The following EML2 variants were observed in gnomAD, a reference collection of about 807,000 sequenced individuals.
EML2 encodes EMAP like 2, also known as echinoderm microtubule-associated protein-like 2.
EML2 carries 59 observed loss-of-function variants against 84.7 expected under a neutral mutation model. That is an observed-to-expected ratio of 0.70 (90% CI 0.56 to 0.86). EML2 has a LOEUF of 0.86. EML2 is among the 40% of genes least tolerant of loss of function. The pLI is 0.00. For missense variants in EML2, 818 were observed against 855.6 expected (o/e 0.96, Z 0.55); for synonymous variants, 352 against 348.9 (o/e 1.01, Z -0.10).
In EML2 at chr19:45,639,169, C is replaced by A. The variant is rs373096611; in HGVS notation, c.20+188G>T. The A allele has an allele frequency of 1.2e-3, 807 of 685,408 alleles. 9 individuals carry two copies. In the East Asian group the frequency reaches 0.022, roughly 18 times the overall value. The allele number at this position is 685,408 out of a possible 1,614,324, so 42.5% of individuals were successfully genotyped here. On this transcript the variant is annotated intron_variant, in intron 1 of 18. Coordinates refer to ENST00000245925, the MANE Select transcript of EML2 (RefSeq NM_012155.4). ...CCCTTCCCTCCTAATCAGCAAGGTG[C>A]TCCCCAGCGCCCCCCACCCGCAGTT... is the stretch of plus-strand genomic sequence containing the variant.
chr19:45,637,667 C>CTTTTTTTTTTTTTTT (rs58180181), intron 3 of EML2, among the ~76,000 whole-genome samples: 2 of 48,894 alleles, frequency 4.1e-5, no homozygotes, highest in Non-Finnish European at 8.0e-5. Flanking sequence ...TTTTTCTTTT[C>CTTTTTTTTTTTTTTT]TTTTTTTTTT....
Position 45,634,250 on chromosome 19 carries a change from C to T in EML2, c.329+72G>A, listed in dbSNP as rs1279912039. ...CACAGGGTAGCAATGTGAAAAGAGG[C>T]ATAGAGGGGCAGGGGCTGGAGCTCC... On this transcript the variant is annotated intron_variant, in intron 4 of 18. Transcript: ENST00000245925. The T allele has an allele frequency of 4.4e-6, 7 of 1,595,490 alleles. No individual in the cohort carries two copies. In the African/African-American group the frequency reaches 8.1e-5, roughly 18 times the overall value.
intron 12 of EML2, 62 bp from the exon 13 acceptor site, chr19:45,617,759 C>T: frequency 6.6e-7 from 1 of 1,507,986 alleles, no homozygotes; most frequent in Non-Finnish European, 9.1e-7. Context: ...TCTGGACATT[C>T]TCTTGCCTCA....
intron 9 of EML2, 82 bp from the exon 10 acceptor site, chr19:45,621,719 T>A: frequency 7.0e-7 from 1 of 1,418,892 alleles, no homozygotes; most frequent in Non-Finnish European, 9.4e-7. Context: ...CTCTCAAGCC[T>A]ATGTCCATCC....
upstream of EML2, chr19:45,645,402 G>T: frequency 6.7e-7 from 1 of 1,489,076 alleles, no homozygotes; most frequent in Non-Finnish European, 8.9e-7. Context: ...CCCCAACCAG[G>T]CCCTGCCTCC....
chr19:45,643,643 T>C, upstream of EML2: 1 of 1,536,104 alleles, frequency 6.5e-7, no homozygotes, highest in Non-Finnish European at 8.7e-7. Flanking sequence ...GTAAAGGTGG[T>C]AGCTTAGACG....
At chr19:45,624,362 T>C (rs187513558) in intron 9 of EML2, among the ~76,000 whole-genome samples, 48 of 152,260 alleles carry the variant, frequency 3.2e-4, no homozygotes, top group African/African-American at 1.0e-3. Context: ...CTTCATTCAC[T>C]TATTCATTGA....
rs1182743426 is a variant in EML2 at position 45,634,369 on chromosome 19, C to T, written c.282G>A (p.Glu94=). ...VASVAVLYSV[E]EQRQRHYLGH... Reference sequence around the variant, plus strand: ...CCAGGTAGTGTCGCTGCCTCTGCTCCTCCACGCTGTATAGCACGGCTACGG... The same window carrying T: ...CCAGGTAGTGTCGCTGCCTCTGCTCTTCCACGCTGTATAGCACGGCTACGG... Residue 94 remains glutamate (E), a synonymous_variant, in exon 4 of 19, where the codon GAG becomes GAA. Coordinates refer to ENST00000245925, the MANE Select transcript of EML2 (RefSeq NM_012155.4). 6.2e-7 allele frequency: 1 copy of T among 1,614,054 alleles called. No individual in the cohort carries two copies. The highest frequency in any genetic ancestry group is 8.5e-7 in the Non-Finnish European group (1 of 1,179,964).
chr19:45,641,642 C>T (rs564196968), upstream of EML2: 57 of 1,536,134 alleles, frequency 3.7e-5, no homozygotes, highest in Non-Finnish European at 5.0e-5. Flanking sequence ...AGTCCTTACC[C>T]TTCCTTTTTG....
intron 9 of EML2, among the ~76,000 whole-genome samples, chr19:45,623,186 C>T (rs1473207924): frequency 6.6e-6 from 1 of 150,980 alleles, no homozygotes; most frequent in Admixed American, 6.6e-5. Context: ...GGTGAAACCC[C>T]GTCTCTACTA....
At chr19:45,618,794 TA>T (rs1971368048) in intron 12 of EML2, 3 of 201,682 alleles carry the variant, frequency 1.5e-5, no homozygotes, top group Non-Finnish European at 3.1e-5. Context: ...TAAAGATACA[TA>T]AATTAGCTGG....
rs1053393288 is a variant in EML2, at chr19:45,616,778, G to A, written c.1398C>T (p.Val466=). 10 of 1,613,038 alleles carry A rather than the reference G, an allele frequency of 6.2e-6. No homozygotes were observed. The highest frequency in any genetic ancestry group is 2.2e-5 in the South Asian group (2 of 91,012). The change falls in exon 14 of 19, where the codon GTC becomes GTT. Residue 466 remains valine (V), a synonymous_variant. Coordinates refer to ENST00000245925, the MANE Select transcript of EML2 (RefSeq NM_012155.4). ...CCTGCCGCTTACCTGGGGAGAAGCTGACCACTGAGATCTGTTCATTGCCGT... is the reference window on the plus strand; with the variant it reads ...CCTGCCGCTTACCTGGGGAGAAGCTAACCACTGAGATCTGTTCATTGCCGT... ...HTDGNEQISV[V]SFSPDGAYLA...
intron 18 of EML2, among the ~76,000 whole-genome samples, chr19:45,610,374 T>A (rs928774926): frequency 6.1e-5 from 9 of 147,568 alleles, no homozygotes; most frequent in African/African-American, 2.3e-4. Context: ...TCCAGCCTGG[T>A]GACAGAGTGA....
upstream of EML2, chr19:45,642,457 T>C (rs1568498948): frequency 2.1e-6 from 3 of 1,452,372 alleles, no homozygotes; most frequent in Non-Finnish European, 2.7e-6. Context: ...CCACGCCCCT[T>C]TCCTGTCCCG....
At chr19:45,615,557 A>AATTT (rs1970951838) in intron 16 of EML2, among the ~76,000 whole-genome samples, 1 of 148,966 alleles carries the variant, frequency 6.7e-6, no homozygotes, top group Non-Finnish European at 1.5e-5. Context: ...AATAATAATT[A>AATTT]AAAATTTAAA....
Position 45,631,884 on chromosome 19 carries a change from A to ATTTTTTTTTTTTT in EML2, c.510+964_510+976dup, listed in dbSNP as rs755529171. 2.5e-4 allele frequency among the ~76,000 whole-genome samples: 23 copies of ATTTTTTTTTTTTT among 90,332 alleles called. 3 individuals carry two copies. Among genetic ancestry groups the ATTTTTTTTTTTTT allele is most frequent in the African/African-American group, 9.3e-4 (22 of 23,588 alleles). 59.3% of individuals were successfully genotyped at this position (90,332 alleles called of 152,430 possible). On this transcript the variant is annotated intron_variant, in intron 6 of 18. Transcript: ENST00000245925. Reference sequence around the variant, plus strand: ...ACACTAGTACACCCAGCTAATTAGAATTTTTTTTTTTTTTTTTTTTTTTTT... The same window carrying ATTTTTTTTTTTTT: ...ACACTAGTACACCCAGCTAATTAGAATTTTTTTTTTTTTTTTTTTTTTTTTTTTTTTTTTTTTT...
intron 9 of EML2, among the ~76,000 whole-genome samples, chr19:45,622,249 C>T (rs568861350): frequency 1.1e-4 from 16 of 152,130 alleles, no homozygotes; most frequent in South Asian, 1.0e-3. Context: ...TGAACACTAT[C>T]GACTCATCCA....
At chr19:45,615,663 C>A in intron 16 of EML2, 139 bp downstream of exon 16, 1 of 683,346 alleles carries the variant, frequency 1.5e-6, no homozygotes, top group Non-Finnish European at 2.6e-6. Context: ...GAGAAGCCAG[C>A]GGTCCCTAAA....
upstream of EML2, chr19:45,643,529 G>A: frequency 6.5e-7 from 1 of 1,535,288 alleles, no homozygotes; most frequent in East Asian, 2.4e-5. Flanking sequence ...AGTGGGAGGG[G>A]CGGAGACCGA....
Sources: allele counts gnomAD v4.1 joint callset (sites outside exome capture counted in the v4.1 genomes callset), GRCh38; gene constraint gnomAD v4.1.1; transcripts MANE v1.5; gene names NCBI Gene and HGNC (gene_info 2026-07-23, HGNC 2026-07-21).